The following EDARADD variants were observed in gnomAD, a reference collection of about 807,000 sequenced individuals.
EDARADD encodes the protein ectodysplasin-A receptor-associated adapter protein.
Under a neutral mutation model 25.6 loss-of-function variants are expected in EDARADD, and 20 were observed. The ratio of observed to expected loss-of-function variants is 0.78; its 90% CI spans 0.55 to 1.14. The LOEUF is 1.14. Ranked by LOEUF, EDARADD falls within the 50% of genes most tolerant of loss-of-function variation. EDARADD has a pLI of 0.00. For synonymous variants in EDARADD, 86 were observed against 94.4 expected, an observed-to-expected ratio of 0.91 and a Z score of 0.52; for missense variants, 225 against 270.1, an observed-to-expected ratio of 0.83 and a Z score of 1.17.
At chr1:236,429,355 C>T (rs1453257973) in intron 4 of EDARADD, among the ~76,000 whole-genome samples, 3 of 150,450 alleles carry the variant, frequency 2.0e-5, no homozygotes, top group Non-Finnish European at 4.4e-5. Context: ...CACAGGTGCG[C>T]GCCACCATGC....
intron 3 of EDARADD, among the ~76,000 whole-genome samples, chr1:236,384,212 G>A (rs1038825264): frequency 1.7e-4 from 26 of 151,916 alleles, no homozygotes; most frequent in Non-Finnish European, 3.2e-4. Flanking sequence ...GTTTGCTTAG[G>A]GAAAATACAT....
intron 5 of EDARADD, 74 bp downstream of exon 5, chr1:236,468,350 T>A: frequency 1.3e-6 from 2 of 1,506,846 alleles, no homozygotes; most frequent in South Asian, 2.2e-5. Flanking sequence ...GAGGCCAGGG[T>A]CGGTGACTCA....
chr1:236,373,775 T>C (rs565381197), intron 3 of EDARADD, among the ~76,000 whole-genome samples: 29 of 152,306 alleles, frequency 1.9e-4, no homozygotes, highest in Admixed American at 1.1e-3. Context: ...ATCTTACTTA[T>C]TTTCTAATAT....
chr1:236,475,791 C>CAA (rs56999662), intron 5 of EDARADD, among the ~76,000 whole-genome samples: 1 of 151,554 alleles, frequency 6.6e-6, no homozygotes. Context: ...AACACACACA[C>CAA]AAAAAAACTT....
At position 236,484,574 on chromosome 1, in the gene EDARADD, C is replaced by A; in HGVS notation, c.*1925C>A. 1 of 864,138 alleles carries A rather than the reference C, an allele frequency of 1.2e-6. No individual in the cohort carries two copies. The highest frequency in any genetic ancestry group is 1.6e-5 in the African/African-American group (1 of 60,692). The allele number at this position is 864,138 out of a possible 1,614,324, so 53.5% of individuals were successfully genotyped here. A position where few individuals can be genotyped will look rare whatever the true frequency, so the allele number is the denominator to read the frequency against. On this transcript the variant is annotated 3_prime_UTR_variant, in exon 6 of 6. Coordinates refer to ENST00000334232, the MANE Select transcript of EDARADD (RefSeq NM_145861.4). This position sits in a 1 kb window ranked among gnomAD's most constrained non-coding sequence, Gnocchi z 4.1. ...CCCCGAGCAACATTTGTAGGGGCCG[C>A]TGCTAGTTAGCTACCCTTGCCCACC...
Position 236,467,020 on chromosome 1 carries a change from T to C in EDARADD, c.220-1211T>C, listed in dbSNP as rs767618197. On this transcript the variant is annotated intron_variant, in intron 4 of 5. Transcript: ENST00000334232. ...AGGCGGAGATGCAGTGAGCCGAGAT[T>C]GTGCCACTGCACTCCAGCCTGGGCG... Among the ~76,000 whole-genome samples the C allele has an allele frequency of 1.4e-3, 216 of 151,784 alleles. 1 individual carries two copies. The highest frequency in any genetic ancestry group is 2.4e-3 in the Non-Finnish European group (163 of 67,966).
At position 236,409,242 on chromosome 1, in the gene EDARADD, G is replaced by A; in HGVS notation, c.88G>A (p.Asp30Asn). 6.2e-7 allele frequency: 1 copy of A among 1,613,278 alleles called. No homozygotes were observed. Among genetic ancestry groups the A allele is most frequent in the East Asian group, 2.2e-5 (1 of 44,832 alleles). ...EDHMVKEPVE[D>N]TDPSTLSFNM... ...TCATATGGTAAAGGAACCAGTGGAA[G>A]ACACAGACCCTAGCACTTTATCCTT... The change falls in exon 2 of 6, where the codon GAC becomes AAC. Residue 30 changes from aspartate to asparagine, a missense_variant. Physicochemically the swap from Asp to Asn is conservative, Grantham distance 23 (BLOSUM62 1). Coordinates refer to ENST00000334232, the MANE Select transcript of EDARADD (RefSeq NM_145861.4).
intron 3 of EDARADD, among the ~76,000 whole-genome samples, chr1:236,381,133 T>C (rs1667291390): frequency 6.6e-6 from 1 of 152,186 alleles, no homozygotes. Flanking sequence ...AATTAGTTTG[T>C]GTTGCAATAG....
chr1:236,354,234 A>G (rs1049436314), intron 3 of EDARADD, among the ~76,000 whole-genome samples: 7 of 152,240 alleles, frequency 4.6e-5, no homozygotes, highest in Non-Finnish European at 1.0e-4. Flanking sequence ...TGGCTTGTGC[A>G]CAAATGACTT....
In EDARADD at chr1:236,483,459, G is replaced by A; in HGVS notation, c.*810G>A. On this transcript the variant is annotated 3_prime_UTR_variant, in exon 6 of 6. Coordinates refer to ENST00000334232, the MANE Select transcript of EDARADD (RefSeq NM_145861.4). Reference sequence around the variant, plus strand: ...TGACAAACTTATGATAGAGATGGATGGAACAGAAAATAAATCTAAATTTGG... The same window carrying A: ...TGACAAACTTATGATAGAGATGGATAGAACAGAAAATAAATCTAAATTTGG... 2 of 1,037,036 alleles carry A rather than the reference G, an allele frequency of 1.9e-6. No individual in the cohort carries two copies. The highest frequency in any genetic ancestry group is 3.0e-6 in the Non-Finnish European group (2 of 656,234). 64.2% of individuals were successfully genotyped at this position (1,037,036 alleles called of 1,614,324 possible).
At chr1:236,403,012 G>A (rs1202375031) in intron 1 of EDARADD, among the ~76,000 whole-genome samples, 3 of 152,066 alleles carry the variant, frequency 2.0e-5, no homozygotes, top group African/African-American at 4.8e-5. Flanking sequence ...CTGGAGTGCA[G>A]TGTTGAGATC....
intron 4 of EDARADD, among the ~76,000 whole-genome samples, chr1:236,435,882 A>G (rs1658237445): frequency 6.6e-6 from 1 of 152,220 alleles, no homozygotes; most frequent in African/African-American, 2.4e-5. Flanking sequence ...TATGTTTGGT[A>G]GAAAACACAC....
rs1030214435 is a variant in EDARADD at position 236,482,414 on chromosome 1, A to T, written c.413A>T (p.Asn138Ile). Reference protein sequence around the residue: ...KLDPCHPTVKNWRNFASKWGM... With the variant: ...KLDPCHPTVKIWRNFASKWGM... ...GATCCGTGTCACCCAACGGTGAAAA[A>T]CTGGAGGAATTTTGCAAGCAAATGG... The change falls in exon 6 of 6, where the codon AAC becomes ATC. Residue 138 changes from asparagine (N) to isoleucine (I), a missense_variant. Transcript: ENST00000334232. 6.2e-7 allele frequency: 1 copy of T among 1,614,160 alleles called. No homozygotes were observed. The highest frequency in any genetic ancestry group is 2.2e-5 in the East Asian group (1 of 44,884).
Position 236,414,272 on chromosome 1 carries a change from C to A in EDARADD, c.133C>A (p.Pro45Thr). The A allele has an allele frequency of 6.2e-7, 1 of 1,610,438 alleles. No homozygotes were observed. The highest frequency in any genetic ancestry group is 1.1e-5 in the South Asian group (1 of 91,012). ...TTGGTTTCTACAGTCAGACAAATAT[C>A]CCATTCAAGATACGGAACTCCCTAA... ...TLSFNMSDKY[P>T]IQDTELPKAE... is the part of the protein sequence containing the mutation. Residue 45 changes from proline (P) to threonine (T), a missense_variant, in exon 3 of 6, where the codon CCC (proline) becomes ACC (threonine). By Grantham distance (38) the Pro-to-Thr change is conservative. Coordinates refer to ENST00000334232, the MANE Select transcript of EDARADD (RefSeq NM_145861.4).
chr1:236,478,134 C>A lies in EDARADD; in HGVS notation c.266-4133C>A, dbSNP rs144340808. ...AAAGAAAAGGAAAGAAAAAAAAATC[C>A]GTACTGTAAACTGGTAAAGGCTTTC... On this transcript the variant is annotated intron_variant, in intron 5 of 5. Transcript: ENST00000334232. Among the ~76,000 whole-genome samples the A allele has an allele frequency of 2.0e-5, 3 of 151,966 alleles. No homozygotes were observed. The East Asian group carries it at 5.8e-4, about 29-fold the overall frequency.
intron 3 of EDARADD, among the ~76,000 whole-genome samples, chr1:236,378,998 G>C (rs76010635): frequency 0.015 from 2,321 of 152,018 alleles, 47 homozygotes; most frequent in African/African-American, 0.051. Flanking sequence ...ATTCTTTCCA[G>C]AGCTACAAGT....
rs147547565 is a variant in EDARADD, at chr1:236,380,914, G to C, written c.-5-28302G>C. Among the ~76,000 whole-genome samples, 266 of 152,164 alleles carry C rather than the reference G, an allele frequency of 1.7e-3. 2 individuals are homozygous for C. Among genetic ancestry groups the C allele is most frequent in the African/African-American group, 6.0e-3 (249 of 41,520 alleles). ...TATTTATTTAAAGTAGCTTTATTGGGGTATAATTGCCATAGAATCAACTGC... is the reference window on the plus strand; with the variant it reads ...TATTTATTTAAAGTAGCTTTATTGGCGTATAATTGCCATAGAATCAACTGC... On this transcript the variant is annotated intron_variant, in intron 3 of 7. Coordinates refer to the EDARADD transcript ENST00000439430.
Position 236,482,617 on chromosome 1 carries a change from C to A in EDARADD, c.616C>A (p.Arg206=). The A allele has an allele frequency of 6.2e-7, 1 of 1,612,238 alleles. No homozygotes were observed. Among genetic ancestry groups the A allele is most frequent in the Non-Finnish European group, 8.5e-7 (1 of 1,180,020 alleles). ...RRWVDEEWPK[R]ERGDPSRHF is the part of the protein sequence containing the mutation. ...GTGGGTGGACGAGGAGTGGCCCAAG[C>A]GGGAGCGTGGAGACCCCTCCAGGCA... is the stretch of plus-strand genomic sequence containing the variant. Residue 206 remains arginine, a synonymous_variant, in exon 6 of 6, where the codon CGG becomes AGG. Coordinates refer to ENST00000334232, the MANE Select transcript of EDARADD (RefSeq NM_145861.4).
intron 4 of EDARADD, among the ~76,000 whole-genome samples, chr1:236,437,265 C>T (rs1443243821): frequency 6.6e-6 from 1 of 152,186 alleles, no homozygotes; most frequent in Non-Finnish European, 1.5e-5. Flanking sequence ...GTTTTTCCCA[C>T]CCCTGGGGCA....
Sources: allele counts gnomAD v4.1 joint callset (sites outside exome capture counted in the v4.1 genomes callset), GRCh38; gene constraint gnomAD v4.1.1; non-coding constraint Gnocchi (gnomAD v3.1); transcripts MANE v1.5; gene names NCBI Gene and HGNC (gene_info 2026-07-23, HGNC 2026-07-21).